The following ROBO2 variants were observed in gnomAD, a reference collection of about 807,000 sequenced individuals.
ROBO2 encodes the protein roundabout guidance receptor 2.
In ROBO2, 53 loss-of-function variants were observed where a neutral mutation model predicts 160.8. The ratio of observed to expected loss-of-function variants is 0.33; its 90% CI spans 0.26 to 0.41. The LOEUF (loss-of-function observed/expected upper bound fraction) is 0.41. ROBO2 is among the 10% of genes least tolerant of loss of function. The probability of loss-of-function intolerance (pLI) is 1.00; values close to 1 mark genes in which losing one functional copy is unlikely to be tolerated. For missense variants in ROBO2, 1,577 were observed against 1,722.4 expected, an observed-to-expected ratio of 0.92 and a Z score of 1.49; for synonymous variants, 664 against 611.7, an observed-to-expected ratio of 1.09 and a Z score of -1.26.
intron 2 of ROBO2, among the ~76,000 whole-genome samples, chr3:75,946,542 C>T (rs968967929): frequency 7.9e-5 from 12 of 152,126 alleles, no homozygotes; most frequent in South Asian, 6.2e-4. Context: ...GTAAAACTGG[C>T]AAGTAGGAAG....
Position 76,039,331 on chromosome 3 carries a change from A to G in ROBO2, c.109+101729A>G, listed in dbSNP as rs532030771. On this transcript the variant is annotated intron_variant, in intron 2 of 26. Coordinates refer to the ROBO2 transcript ENST00000487694. The stretch of plus-strand genomic sequence containing the variant: ...TGAATTGAGAAAATAAACATGGTCT[A>G]TTTTTTTTAGGCAGCATCAGGAGTT... 4.0e-5 allele frequency among the ~76,000 whole-genome samples: 6 copies of G among 151,840 alleles called. No individual in the cohort carries two copies. In the South Asian group the frequency reaches 1.0e-3, roughly 26 times the overall value.
In ROBO2 at chr3:77,114,670, C is replaced by T. The variant is rs192498859; in HGVS notation, c.388+16330C>T. Among the ~76,000 whole-genome samples, 871 of 152,268 alleles carry T rather than the reference C, an allele frequency of 5.7e-3. 5 individuals carry two copies. Among genetic ancestry groups the T allele is most frequent in the Non-Finnish European group, 9.2e-3 (629 of 68,006 alleles). On this transcript the variant is annotated intron_variant, in intron 2 of 25. Coordinates refer to ENST00000461745, the Ensembl canonical transcript of ROBO2. ...AGATTATGCACACCTTGTACCAGTA[C>T]TTCTGGTCCCTTTAGGTTTAAAGTG...
chr3:77,520,816 A>T (rs533594338), intron 5 of ROBO2, among the ~76,000 whole-genome samples: 25 of 151,516 alleles, frequency 1.6e-4, no homozygotes, highest in Middle Eastern at 3.4e-3. Flanking sequence ...TTTATTAGAC[A>T]TCAAATACAT....
At chr3:77,242,046 CT>C (rs1469751198) in intron 2 of ROBO2, among the ~76,000 whole-genome samples, 1 of 152,116 alleles carries the variant, frequency 6.6e-6, no homozygotes, top group Non-Finnish European at 1.5e-5. Context: ...TAGCAACTTA[CT>C]TTGATTTTCT....
intron 2 of ROBO2, among the ~76,000 whole-genome samples, chr3:76,844,954 A>C (rs2068640488): frequency 1.3e-5 from 2 of 151,976 alleles, no homozygotes; most frequent in South Asian, 4.1e-4. Context: ...CTAAGTCAGG[A>C]AGGTCCTCTG....
intron 2 of ROBO2, among the ~76,000 whole-genome samples, chr3:76,950,795 C>T (rs2078908232): frequency 6.6e-6 from 1 of 152,162 alleles, no homozygotes; most frequent in South Asian, 2.1e-4. Flanking sequence ...TGTGCAACCA[C>T]AGCTCACTGC....
At chr3:76,638,363 T>G (rs2090452603) in intron 2 of ROBO2, among the ~76,000 whole-genome samples, 1 of 152,156 alleles carries the variant, frequency 6.6e-6, no homozygotes, top group South Asian at 2.1e-4. Flanking sequence ...GCAAAATAAT[T>G]CCAAAGAAAG....
At chr3:77,473,132 C>T (rs563918647) in intron 2 of ROBO2, among the ~76,000 whole-genome samples, 2 of 152,084 alleles carry the variant, frequency 1.3e-5, no homozygotes, top group South Asian at 2.1e-4. Flanking sequence ...TGTCTGATTC[C>T]CACAGGGTTT....
chr3:77,431,528 A>T (rs2078769727), intron 2 of ROBO2, among the ~76,000 whole-genome samples: 1 of 152,304 alleles, frequency 6.6e-6, no homozygotes, highest in Non-Finnish European at 1.5e-5. Flanking sequence ...TTCAGCTTTT[A>T]GTGATGACCC....
At chr3:77,383,353 A>G (rs2073755137) in intron 2 of ROBO2, among the ~76,000 whole-genome samples, 1 of 152,236 alleles carries the variant, frequency 6.6e-6, no homozygotes, top group Admixed American at 6.5e-5. Flanking sequence ...TTATTTTGCT[A>G]TAGAGAAAGA....
chr3:77,255,071 A>G (rs1167824341), intron 2 of ROBO2, among the ~76,000 whole-genome samples: 2 of 152,376 alleles, frequency 1.3e-5, no homozygotes, highest in South Asian at 2.1e-4. Context: ...CCAAAGATAT[A>G]GGAAAGTAAA....
At chr3:76,464,812 A>G (rs2078278544) in intron 2 of ROBO2, among the ~76,000 whole-genome samples, 1 of 152,168 alleles carries the variant, frequency 6.6e-6, no homozygotes, top group Non-Finnish European at 1.5e-5. Context: ...ACAAATCCTT[A>G]TGTTCATCAA....
intron 17 of ROBO2, among the ~76,000 whole-genome samples, chr3:77,590,298 C>T (rs539432581): frequency 6.6e-6 from 1 of 152,170 alleles, no homozygotes; most frequent in Non-Finnish European, 1.5e-5. Context: ...GTTGCTGCCT[C>T]TCTGCTTCCT....
At chr3:76,664,113 AG>A (rs1489896436) in intron 2 of ROBO2, among the ~76,000 whole-genome samples, 1 of 152,182 alleles carries the variant, frequency 6.6e-6, no homozygotes, top group African/African-American at 2.4e-5. Context: ...GTCAACACTG[AG>A]GACACAGCTA....
At chr3:77,506,868 T>C (rs1225280697) in intron 5 of ROBO2, among the ~76,000 whole-genome samples, 1 of 152,176 alleles carries the variant, frequency 6.6e-6, no homozygotes, top group Non-Finnish European at 1.5e-5. Context: ...TTGCCTGAGA[T>C]ATGATGGTTA....
chr3:76,716,362 C>G (rs1053503239), intron 2 of ROBO2, among the ~76,000 whole-genome samples: 1 of 152,136 alleles, frequency 6.6e-6, no homozygotes, highest in Non-Finnish European at 1.5e-5. Context: ...AAATGTATAT[C>G]TTACGTTTTC....
chr3:76,823,087 G>T (rs952391455), intron 2 of ROBO2, among the ~76,000 whole-genome samples: 5 of 152,168 alleles, frequency 3.3e-5, no homozygotes, highest in African/African-American at 1.2e-4. Flanking sequence ...AAAAATAAAT[G>T]TATACATTCA....
At chr3:76,855,469 C>T (rs183737836) in intron 2 of ROBO2, among the ~76,000 whole-genome samples, 7 of 152,124 alleles carry the variant, frequency 4.6e-5, no homozygotes, top group Non-Finnish European at 8.8e-5. Context: ...TTGCAATCTG[C>T]GTGTATAAAA....
chr3:76,592,905 T>C (rs955681261), intron 2 of ROBO2, among the ~76,000 whole-genome samples: 9 of 152,066 alleles, frequency 5.9e-5, no homozygotes, highest in African/African-American at 2.2e-4. Context: ...ACATTCTTAC[T>C]AATTCCCTCA....
Sources: gnomAD v4.1 joint callset for allele counts (sites outside exome capture counted in the v4.1 genomes callset) on GRCh38, gnomAD v4.1.1 for gene constraint, MANE v1.5 for transcripts, NCBI Gene and HGNC (gene_info 2026-07-23, HGNC 2026-07-21) for gene names.